Variants in UHRF2 observed in about 807,000 individuals in gnomAD.
UHRF2 encodes ubiquitin like with PHD and ring finger domains 2.
In UHRF2, 23 loss-of-function variants were observed where a neutral mutation model predicts 96.8. The observed-to-expected ratio is 0.24, with a 90% CI of 0.17 to 0.34. The LOEUF (loss-of-function observed/expected upper bound fraction) is 0.34, where lower values mean the gene tolerates loss of function less well. UHRF2 is among the 10% of genes least tolerant of loss of function. UHRF2 has a pLI of 1.00. For missense variants in UHRF2, 685 were observed against 981.5 expected (o/e 0.70, Z 4.04); for synonymous variants, 385 against 332.6 (o/e 1.16, Z -1.72).
intron 4 of UHRF2, chr9:6,468,317 C>T (rs906643127): frequency 2.5e-5 from 10 of 394,406 alleles, no homozygotes; most frequent in East Asian, 2.2e-4. Flanking sequence ...TATTGAATCA[C>T]TTAAAGTAGT....
chr9:6,420,661 C>T (rs1426647640), intron 1 of UHRF2, among the ~76,000 whole-genome samples: 3 of 149,818 alleles, frequency 2.0e-5, no homozygotes, highest in Non-Finnish European at 3.0e-5. Context: ...GAGCCAAGAT[C>T]GTGCCACTGC....
In UHRF2 at chr9:6,431,364, A is replaced by G. The variant is rs140189468; in HGVS notation, c.385-2550A>G. Among the ~76,000 whole-genome samples, 8 of 152,236 alleles carry G rather than the reference A, an allele frequency of 5.3e-5. No homozygotes were observed. In the South Asian group the frequency reaches 1.2e-3, roughly 24 times the overall value. ...GCCTTGTGCATGTAATCTCAGCACT[A>G]TGAGAGACCAAGGAAAGAGGATTGT... On this transcript the variant is annotated intron_variant, in intron 2 of 15. Transcript: ENST00000276893.
At position 6,413,250 on chromosome 9, in the gene UHRF2, C is replaced by T. The variant is rs200602206; in HGVS notation, c.-241C>T. The T allele has an allele frequency of 2.5e-3, 484 of 191,946 alleles. 2 individuals carry two copies. The highest frequency in any genetic ancestry group is 4.2e-3 in the Non-Finnish European group (397 of 95,070). 11.9% of individuals were successfully genotyped at this position (191,946 alleles called of 1,614,324 possible). The stretch of plus-strand genomic sequence containing the variant: ...ACATGGCCTCTTCCTATCTTTGAGG[C>T]GGTGTCTGCGGCAGCGCCTCAGAGT... On this transcript the variant is annotated 5_prime_UTR_variant, in exon 1 of 16. Transcript: ENST00000276893.
chr9:6,496,871 C>T (rs1303304569), intron 10 of UHRF2: 1 of 189,716 alleles, frequency 5.3e-6, no homozygotes, highest in East Asian at 1.2e-4. Flanking sequence ...CAACGTTCTC[C>T]CTTCCCCCAA....
chr9:6,506,126 A>T lies in UHRF2; in HGVS notation c.2356A>T (p.Ile786Phe), dbSNP rs1474289011. 1.2e-6 allele frequency: 2 copies of T among 1,614,058 alleles called. No homozygotes were observed. The highest frequency in any genetic ancestry group is 3.3e-5 in the Admixed American group (2 of 60,002). ...GQNYIMIPNE[I>F]LQTLLDLFFP... ...GAATTACATCATGATTCCCAATGAG[A>T]TTCTGCAGACTCTACTTGACCTTTT... is the stretch of plus-strand genomic sequence containing the variant. The change falls in exon 16 of 16, where the codon ATT (isoleucine) becomes TTT (phenylalanine). Residue 786 changes from isoleucine (I) to phenylalanine (F), a missense_variant. Transcript: ENST00000276893.
chr9:6,451,674 T>C (rs1267574424), intron 3 of UHRF2, among the ~76,000 whole-genome samples: 1 of 152,078 alleles, frequency 6.6e-6, no homozygotes, highest in Non-Finnish European at 1.5e-5. Flanking sequence ...GGTTTCACCA[T>C]GTTAGCCAGC....
chr9:6,437,264 G>A (rs145911128), intron 3 of UHRF2, among the ~76,000 whole-genome samples: 2,202 of 152,254 alleles, frequency 0.014, 45 homozygotes, highest in African/African-American at 0.048. Context: ...ACAGAGTCTC[G>A]TTCTGTTGCT....
chr9:6,476,505 CG>C (rs1298860999), intron 5 of UHRF2, among the ~76,000 whole-genome samples: 4 of 152,092 alleles, frequency 2.6e-5, no homozygotes, highest in Admixed American at 6.6e-5. Context: ...CTTCATTTAA[CG>C]GATTTTTCTT....
intron 3 of UHRF2, among the ~76,000 whole-genome samples, chr9:6,435,483 A>T (rs894180612): frequency 3.9e-5 from 6 of 152,218 alleles, no homozygotes; most frequent in East Asian, 3.8e-4. Flanking sequence ...TTACCTGTTT[A>T]AAGAGTATAA....
rs188800306 is a variant in UHRF2 at position 6,489,392 on chromosome 9, G to A, written c.1497+2467G>A. 3.1e-4 allele frequency among the ~76,000 whole-genome samples: 47 copies of A among 152,284 alleles called. No homozygotes were observed. In the East Asian group the frequency reaches 8.7e-3, roughly 28 times the overall value. The stretch of plus-strand genomic sequence containing the variant: ...GTAAATATTTGTGAACAGGTTTTTT[G>A]TAAACGTAAGTCTTTATTTCTTTGG... On this transcript the variant is annotated intron_variant, in intron 9 of 15. Coordinates refer to ENST00000276893, the MANE Select transcript of UHRF2 (RefSeq NM_152896.3).
intron 3 of UHRF2, among the ~76,000 whole-genome samples, chr9:6,451,466 G>GTTTTTTTTTTTTT (rs34757017): frequency 7.1e-6 from 1 of 141,816 alleles, no homozygotes. Flanking sequence ...GTTTTTTTTT[G>GTTTTTTTTTTTTT]TTTTTTTTTT....
intron 4 of UHRF2, among the ~76,000 whole-genome samples, chr9:6,473,334 T>G (rs1041646310): frequency 9.2e-5 from 14 of 152,208 alleles, no homozygotes; most frequent in Admixed American, 4.6e-4. Flanking sequence ...TAGAGAATGA[T>G]TTATTTTTAA....
At chr9:6,430,923 C>G (rs967453342) in intron 2 of UHRF2, among the ~76,000 whole-genome samples, 2 of 152,208 alleles carry the variant, frequency 1.3e-5, no homozygotes, top group African/African-American at 2.4e-5. Flanking sequence ...AAATTAAAAT[C>G]TCATGAGTAT....
chr9:6,487,152 C>T (rs550719727), intron 9 of UHRF2, among the ~76,000 whole-genome samples: 12 of 136,644 alleles, frequency 8.8e-5, no homozygotes, highest in Admixed American at 5.1e-4. Flanking sequence ...AAGGAAAACA[C>T]ATTCTCTATA....
At chr9:6,447,943 G>A (rs561052262) in intron 3 of UHRF2, among the ~76,000 whole-genome samples, 1 of 152,172 alleles carries the variant, frequency 6.6e-6, no homozygotes, top group Admixed American at 6.5e-5. Context: ...CAAGAGGATT[G>A]GTTAATTTGT....
At chr9:6,431,615 A>G (rs1023665140) in intron 2 of UHRF2, among the ~76,000 whole-genome samples, 1 of 152,122 alleles carries the variant, frequency 6.6e-6, no homozygotes, top group African/African-American at 2.4e-5. Flanking sequence ...TTGTAAATCT[A>G]GGTTTACTAT....
chr9:6,421,263 T>C, intron 2 of UHRF2, 121 bp downstream of exon 2: 1 of 763,320 alleles, frequency 1.3e-6, no homozygotes. Flanking sequence ...GATGTTAATA[T>C]CATAACTTTT....
intron 2 of UHRF2, among the ~76,000 whole-genome samples, chr9:6,425,843 C>A (rs142417073): frequency 1.9e-4 from 29 of 152,114 alleles, no homozygotes; most frequent in African/African-American, 7.0e-4. Context: ...GCTTTTAGAG[C>A]CTTCAACAGA....
chr9:6,438,686 T>C (rs868075073), intron 3 of UHRF2, among the ~76,000 whole-genome samples: 1 of 152,326 alleles, frequency 6.6e-6, no homozygotes, highest in Middle Eastern at 3.4e-3. Flanking sequence ...GGGTATGCAA[T>C]GTTTGTCAGT....
Sources: allele counts gnomAD v4.1 joint callset (sites outside exome capture counted in the v4.1 genomes callset), GRCh38; gene constraint gnomAD v4.1.1; transcripts MANE v1.5; gene names NCBI Gene and HGNC (gene_info 2026-07-23, HGNC 2026-07-21).